The following MBP variants were observed in gnomAD, a reference collection of about 807,000 sequenced individuals.
MBP encodes the protein Golli-MBP.
MBP carries 16 observed loss-of-function variants against 35.8 expected under a neutral mutation model. The observed-to-expected ratio is 0.45, with a 90% CI of 0.30 to 0.68. The LOEUF (loss-of-function observed/expected upper bound fraction) is 0.68, where lower values mean the gene tolerates loss of function less well. Among genes scored for constraint, MBP ranks in the 30% least tolerant of loss-of-function variants. The probability of loss-of-function intolerance (pLI) is 0.08; values close to 1 mark genes in which losing one functional copy is unlikely to be tolerated. For missense variants in MBP, 380 were observed against 404.7 expected (o/e 0.94, Z 0.52); for synonymous variants, 143 against 159.6 (o/e 0.90, Z 0.78).
intron 3 of MBP, among the ~76,000 whole-genome samples, chr18:77,047,191 C>A (rs1315039920): frequency 2.0e-5 from 3 of 152,258 alleles, no homozygotes; most frequent in Non-Finnish European, 4.4e-5. Context: ...AACGCCAAGG[C>A]TCCGGCAGTA....
chr18:76,997,961 C>T (rs946704217), intron 4 of MBP, among the ~76,000 whole-genome samples: 2 of 152,054 alleles, frequency 1.3e-5, no homozygotes, highest in Admixed American at 6.5e-5. Context: ...GGATTACAGG[C>T]GTGAGCCACC....
intron 2 of MBP, among the ~76,000 whole-genome samples, chr18:77,084,379 C>T (rs531095368): frequency 6.1e-5 from 9 of 148,408 alleles, no homozygotes; most frequent in African/African-American, 2.2e-4. Flanking sequence ...ACTGCGAAAA[C>T]CACAACCCTG....
In MBP at chr18:77,035,537, T is replaced by A. The variant is rs76546529; in HGVS notation, c.140-18269A>T. ...AGGAAGGCCAGTGCTCTCCCTGTGC[T>A]AGGATGAGAAACGTGCATCACTCAT... On this transcript the variant is annotated intron_variant, in intron 3 of 8. Coordinates refer to ENST00000355994, the MANE Select transcript of MBP (RefSeq NM_001025101.2). Among the ~76,000 whole-genome samples the A allele has an allele frequency of 4.9e-3, 744 of 152,324 alleles. 8 individuals are homozygous for A. The highest frequency in any genetic ancestry group is 0.017 in the African/African-American group (696 of 41,570).
intron 3 of MBP, among the ~76,000 whole-genome samples, chr18:77,041,305 T>C (rs538024954): frequency 0.031 from 4,717 of 152,164 alleles, 246 homozygotes; most frequent in African/African-American, 0.1. Context: ...TGTGGAGAAA[T>C]AGGAACACTT....
At chr18:77,016,461 C>CTG (rs1971645238) in intron 4 of MBP, 1 of 1,082,278 alleles carries the variant, frequency 9.2e-7, no homozygotes, top group Admixed American at 4.7e-5. Context: ...AGCGTGTGGG[C>CTG]TGCAGAGGCA....
chr18:77,127,648 T>C (rs1338450466), intron 1 of MBP: 1 of 152,026 alleles, frequency 6.6e-6, no homozygotes, highest in African/African-American at 2.4e-5. Context: ...AAGGCCAGCA[T>C]CTAGAAAATA....
chr18:76,999,878 T>C (rs1035481397), intron 4 of MBP, among the ~76,000 whole-genome samples: 4 of 152,216 alleles, frequency 2.6e-5, no homozygotes, highest in Non-Finnish European at 5.9e-5. Context: ...ATTTGTGTCT[T>C]CTGGGCCATC....
intron 3 of MBP, among the ~76,000 whole-genome samples, chr18:77,062,342 G>A (rs2144776998): frequency 6.6e-6 from 1 of 152,302 alleles, no homozygotes; most frequent in South Asian, 2.1e-4. Flanking sequence ...TGCACTACCT[G>A]TGGGTGTGTG....
At chr18:77,042,817 A>AT (rs1397676587) in intron 3 of MBP, among the ~76,000 whole-genome samples, 1 of 152,214 alleles carries the variant, frequency 6.6e-6, no homozygotes, top group African/African-American at 2.4e-5. Context: ...GTTAGCTACT[A>AT]TTTTTTAAGG....
chr18:77,009,772 G>A (rs1342429798), intron 4 of MBP: 3 of 1,320,736 alleles, frequency 2.3e-6, no homozygotes, highest in South Asian at 1.3e-5. Flanking sequence ...TACCTGCCCC[G>A]AGGGACAGTG....
At chr18:77,086,915 C>CATA (rs1244401885) in intron 2 of MBP, among the ~76,000 whole-genome samples, 1 of 152,216 alleles carries the variant, frequency 6.6e-6, no homozygotes, top group Non-Finnish European at 1.5e-5. Context: ...GACACCACGT[C>CATA]ATAGTTCACT....
chr18:77,098,331 C>G (rs1035981285), intron 2 of MBP, among the ~76,000 whole-genome samples: 5 of 152,068 alleles, frequency 3.3e-5, no homozygotes, highest in African/African-American at 9.7e-5. Flanking sequence ...TAAGTAAGCA[C>G]AGAGAGAGAA....
chr18:77,017,544 T>G (rs1037780420), intron 3 of MBP: 9 of 318,952 alleles, frequency 2.8e-5, no homozygotes, highest in Non-Finnish European at 4.6e-5. Context: ...CATCTGAGCA[T>G]GCAGAGCAGC....
At chr18:77,053,392 C>T (rs541148891) in intron 3 of MBP, among the ~76,000 whole-genome samples, 2 of 152,360 alleles carry the variant, frequency 1.3e-5, no homozygotes, top group African/African-American at 2.4e-5. Context: ...CAGTGTCAGC[C>T]GGTATGCTCC....
intron 4 of MBP, among the ~76,000 whole-genome samples, chr18:76,994,346 C>T (rs1269543752): frequency 6.6e-6 from 1 of 152,212 alleles, no homozygotes; most frequent in African/African-American, 2.4e-5. Context: ...GCCTTTAAAT[C>T]ACTCATCCTG....
chr18:77,078,811 C>A (rs1442737421), intron 2 of MBP, among the ~76,000 whole-genome samples: 1 of 152,230 alleles, frequency 6.6e-6, no homozygotes, highest in Non-Finnish European at 1.5e-5. Context: ...GTCGGGTGGA[C>A]TCCACCAATG....
intron 3 of MBP, among the ~76,000 whole-genome samples, chr18:77,060,753 A>C (rs1479418591): frequency 3.9e-5 from 6 of 152,100 alleles, no homozygotes; most frequent in Admixed American, 2.0e-4. Context: ...ACCCGGCCAA[A>C]TTGTTCTCTC....
chr18:77,091,587 CCA>C (rs57618192), intron 2 of MBP, among the ~76,000 whole-genome samples: 93,636 of 147,860 alleles, frequency 0.63, 29,542 homozygotes, highest in Non-Finnish European at 0.67. Context: ...GCAAGAGAAA[CCA>C]CACACACACA....
At chr18:77,108,098 G>A (rs961435214) in intron 1 of MBP, among the ~76,000 whole-genome samples, 2 of 152,168 alleles carry the variant, frequency 1.3e-5, no homozygotes, top group South Asian at 2.1e-4. Context: ...TGATAATCAC[G>A]AGTGACTGGC....
Sources: gnomAD v4.1 joint callset for allele counts (sites outside exome capture counted in the v4.1 genomes callset) on GRCh38, gnomAD v4.1.1 for gene constraint, MANE v1.5 for transcripts, NCBI Gene and HGNC (gene_info 2026-07-23, HGNC 2026-07-21) for gene names.